Variants in ASB10 observed in about 807,000 individuals in gnomAD.
ASB10 encodes the protein ankyrin repeat and SOCS box protein 10.
In ASB10, 44 loss-of-function variants were observed where a neutral mutation model predicts 35.4. The observed-to-expected ratio is 1.24, with a 90% CI of 0.98 to 1.60. The LOEUF (loss-of-function observed/expected upper bound fraction) is 1.60, where lower values mean the gene tolerates loss of function less well. Ranked by LOEUF, ASB10 falls within the 40% of genes most tolerant of loss-of-function variation. The pLI is 0.00. For synonymous variants in ASB10, 294 were observed against 280.4 expected (o/e 1.05, Z -0.49); for missense variants, 647 against 634.3 (o/e 1.02, Z -0.22).
chr7:151,186,929 C>A lies in ASB10; in HGVS notation c.202G>T (p.Gly68Cys), dbSNP rs1801609095. The A allele has an allele frequency of 6.2e-7, 1 of 1,613,074 alleles. No individual in the cohort carries two copies. Among genetic ancestry groups the A allele is most frequent in the Non-Finnish European group, 8.5e-7 (1 of 1,179,986 alleles). ...FWQAVLAGDV[G>C]CVSRILADSS... ...TCCGCGAGGATGCGGGAGACACAGC[C>A]CACGTCCCCAGCCAGCACTGCCTGC... is the stretch of plus-strand genomic sequence containing the variant. Residue 68 changes from glycine to cysteine, a missense_variant, in exon 1 of 6, where the codon GGC (glycine) becomes TGC (cysteine). By Grantham distance (159) the Gly-to-Cys change is radical. Coordinates refer to ENST00000420175, the MANE Select transcript of ASB10 (RefSeq NM_001142459.2).
chr7:151,184,481 T>G (rs1025845021), intron 2 of ASB10, among the ~76,000 whole-genome samples: 1 of 151,804 alleles, frequency 6.6e-6, no homozygotes, highest in Non-Finnish European at 1.5e-5. Context: ...CTAAGTGGAA[T>G]AAGCCAGTTA....
chr7:151,181,531 T>C (rs1801494648), intron 2 of ASB10, 73 bp from the exon 3 acceptor site: 13 of 1,471,550 alleles, frequency 8.8e-6, no homozygotes, highest in Non-Finnish European at 1.1e-5. Flanking sequence ...GGGTGGCTCT[T>C]GGTTCTGTCT....
At chr7:151,187,662 C>T (rs567935586), upstream of ASB10, 18 of 1,516,830 alleles carry the variant, frequency 1.2e-5, no homozygotes, top group South Asian at 1.0e-4. This position sits in a 1 kb window ranked among gnomAD's most constrained non-coding sequence, Gnocchi z 5.3. Context: ...CAGGCCGGGG[C>T]GGAGGGAAGG....
chr7:151,176,519 G>C, intron 4 of ASB10, 44 bp downstream of exon 4: 1 of 1,523,352 alleles, frequency 6.6e-7, no homozygotes, highest in Non-Finnish European at 8.9e-7. Flanking sequence ...GGGAGTCTTG[G>C]GACCAGGATG....
At chr7:151,187,782 C>T, upstream of ASB10, 1 of 1,443,092 alleles carries the variant, frequency 6.9e-7, no homozygotes, top group Non-Finnish European at 9.1e-7. The surrounding 1 kb of genome is among the most constrained non-coding windows in gnomAD (Gnocchi z 5.3). Flanking sequence ...GTGGACTGGG[C>T]AGGTGGGTGC....
intron 3 of ASB10, among the ~76,000 whole-genome samples, chr7:151,179,152 G>C (rs1056357718): frequency 6.6e-6 from 1 of 152,248 alleles, no homozygotes; most frequent in South Asian, 2.1e-4. Flanking sequence ...TAGCTAACAA[G>C]TGTTAAGCAC....
At chr7:151,185,539 G>A (rs2487150) in intron 2 of ASB10, among the ~76,000 whole-genome samples, 71,150 of 151,962 alleles carry the variant, frequency 0.47, 18,464 homozygotes, top group African/African-American at 0.71. Context: ...GATTAAGCCT[G>A]TGGAATCCTC....
In ASB10 at chr7:151,176,674, C is replaced by A; in HGVS notation, c.1107G>T (p.Val369=). ...VRVWPGALPK[V]LERWSTCPRT... ...GAGGGCACGTGCTCCAGCGCTCCAG[C>A]ACCTGTGGGAGGCAGAGGCATGTTG... The change falls in exon 4 of 6, where the codon GTG becomes GTT. Residue 369 remains valine, a splice_region_variant and synonymous_variant. Coordinates refer to ENST00000420175, the MANE Select transcript of ASB10 (RefSeq NM_001142459.2). The A allele has an allele frequency of 6.5e-7, 1 of 1,549,870 alleles. No homozygotes were observed. Among genetic ancestry groups the A allele is most frequent in the Non-Finnish European group, 8.7e-7 (1 of 1,145,610 alleles).
Position 151,186,933 on chromosome 7 carries a change from G to A in ASB10, c.198C>T (p.Asp66=), listed in dbSNP as rs1312927716. The A allele has an allele frequency of 9.9e-6, 16 of 1,612,768 alleles. No homozygotes were observed. The highest frequency in any genetic ancestry group is 3.3e-5 in the South Asian group (3 of 91,032). Reference sequence around the variant, plus strand: ...CGAGGATGCGGGAGACACAGCCCACGTCCCCAGCCAGCACTGCCTGCCAGA... The same window carrying A: ...CGAGGATGCGGGAGACACAGCCCACATCCCCAGCCAGCACTGCCTGCCAGA... ...LAFWQAVLAG[D]VGCVSRILAD... is the part of the protein sequence containing the mutation. The change falls in exon 1 of 6, where the codon GAC becomes GAT. Residue 66 remains aspartate, a synonymous_variant. Transcript: ENST00000420175.
Position 151,176,099 on chromosome 7 carries a change from T to C in ASB10, c.*13A>G. On this transcript the variant is annotated intron_variant, in intron 5 of 5. Coordinates refer to ENST00000420175, the MANE Select transcript of ASB10 (RefSeq NM_001142459.2). ...CCAAGCAGCTGTGACTGCTCACAGA[T>C]CCCGGGGCTCACCTAGTAGAGCACG... 3.7e-6 allele frequency: 6 copies of C among 1,609,810 alleles called. No individual in the cohort carries two copies. The highest frequency in any genetic ancestry group is 5.1e-6 in the Non-Finnish European group (6 of 1,179,214).
At chr7:151,183,493 C>T (rs1469025112) in intron 2 of ASB10, among the ~76,000 whole-genome samples, 2 of 152,214 alleles carry the variant, frequency 1.3e-5, no homozygotes, top group Admixed American at 6.5e-5. Context: ...CTGCAACCTC[C>T]GCCTCACAGG....
chr7:151,181,520 T>G, intron 2 of ASB10, 62 bp from the exon 3 acceptor site: 1 of 1,496,372 alleles, frequency 6.7e-7, no homozygotes, highest in Non-Finnish European at 8.9e-7. Context: ...GGAACACACT[T>G]GGGTGGCTCT....
intron 3 of ASB10, among the ~76,000 whole-genome samples, chr7:151,178,339 G>A (rs1208112037): frequency 2.6e-5 from 4 of 152,242 alleles, no homozygotes; most frequent in Admixed American, 6.5e-5. Flanking sequence ...CTGAGGTGGT[G>A]GTCCAGTGCA....
Position 151,186,802 on chromosome 7 carries a change from C to T in ASB10, c.316+13G>A, listed in dbSNP as rs1160507181. The T allele has an allele frequency of 1.3e-5, 21 of 1,569,478 alleles. No individual in the cohort carries two copies. Among genetic ancestry groups the T allele is most frequent in the Non-Finnish European group, 1.7e-5 (20 of 1,154,074 alleles). ...TCTCTCCCACTGAGAGCCCCCAGTG[C>T]CCCGGCCCGTACTCAGAGCACGGAT... On this transcript the variant is annotated intron_variant, in intron 1 of 5. Coordinates refer to ENST00000420175, the MANE Select transcript of ASB10 (RefSeq NM_001142459.2).
chr7:151,186,861 G>T lies in ASB10; in HGVS notation c.270C>A (p.Ser90Arg), dbSNP rs146732530. 1.2e-6 allele frequency: 2 copies of T among 1,612,364 alleles called. No homozygotes were observed. The highest frequency in any genetic ancestry group is 8.5e-7 in the Non-Finnish European group (1 of 1,178,956). The change falls in exon 1 of 6, where the codon AGC becomes AGA. Residue 90 changes from serine (S) to arginine (R), a missense_variant. Physicochemically the swap from Ser to Arg is moderately radical, Grantham distance 110. Coordinates refer to ENST00000420175, the MANE Select transcript of ASB10 (RefSeq NM_001142459.2). The stretch of plus-strand genomic sequence containing the variant: ...GGAAATCCCTCCATCGCTCTGGGTC[G>T]CTGGTATCAAAGACGGAATCAGGAG... ...GLAPDSVFDTSDPERWRDFRF... is the reference protein window; with the variant it reads ...GLAPDSVFDTRDPERWRDFRF...
intron 1 of ASB10, 57 bp downstream of exon 1, chr7:151,186,758 C>T: frequency 2.0e-6 from 3 of 1,534,042 alleles, no homozygotes; most frequent in South Asian, 1.3e-5. Flanking sequence ...GAGCCCAGAG[C>T]TCCATCTGCA....
rs745407485 is a variant in ASB10 at position 151,186,640 on chromosome 7, G to C, written c.336C>G (p.Tyr112Ter). The C allele has an allele frequency of 1.2e-6, 2 of 1,610,294 alleles. No individual in the cohort carries two copies. Among genetic ancestry groups the C allele is most frequent in the East Asian group, 4.5e-5 (2 of 44,828 alleles). ...GCAGTGGGGTGGTCAGCTCCTCTTC[G>C]TATGTCAGAGACCAGAGTCCTAGGG... ...IRALRLWSLT[Y>*]EEELTTPLHV... The change falls in exon 2 of 6, where the codon TAC becomes TAG. Residue 112 changes from tyrosine (Y) to a stop codon, truncating the protein, a stop_gained. Transcript: ENST00000420175. LOFTEE classifies it high-confidence loss of function.
chr7:151,184,856 A>G (rs1047281324), intron 2 of ASB10, among the ~76,000 whole-genome samples: 2 of 151,898 alleles, frequency 1.3e-5, no homozygotes, highest in East Asian at 2.0e-4. Flanking sequence ...CCGCGTCTCT[A>G]CTAAAAATAC....
In ASB10 at chr7:151,187,176, A is replaced by G. The variant is rs1379957982; in HGVS notation, c.-46T>C. The G allele has an allele frequency of 6.5e-7, 1 of 1,540,040 alleles. No individual in the cohort carries two copies. Among genetic ancestry groups the G allele is most frequent in the Non-Finnish European group, 8.8e-7 (1 of 1,140,258 alleles). On this transcript the variant is annotated 5_prime_UTR_variant, in exon 1 of 6. Transcript: ENST00000420175. This position sits in a 1 kb window ranked among gnomAD's most constrained non-coding sequence, Gnocchi z 5.3. ...GGGGAGGAGGAGAGGTATATGCCAA[A>G]GGCAGAGAGAGAGAGAGAGAGCAGG...
Sources: allele counts gnomAD v4.1 joint callset (sites outside exome capture counted in the v4.1 genomes callset), GRCh38; gene constraint gnomAD v4.1.1; non-coding constraint Gnocchi (gnomAD v3.1); transcripts MANE v1.5; gene names NCBI Gene and HGNC (gene_info 2026-07-23, HGNC 2026-07-21).